ERCC6L2: variants seen among roughly 807,000 people sequenced by gnomAD.
ERCC6L2 encodes the protein DNA excision repair protein ERCC-6-like 2.
A neutral mutation model predicts 132.0 loss-of-function variants in ERCC6L2; 77 were observed. That is an observed-to-expected ratio of 0.58 (90% CI 0.49 to 0.71). ERCC6L2 has a LOEUF of 0.71. Ranked by LOEUF, ERCC6L2 falls within the 30% of genes least tolerant of loss-of-function variation. The pLI is 0.00. For synonymous variants in ERCC6L2, 583 were observed against 632.4 expected (o/e 0.92, Z 1.17); for missense variants, 1,542 against 1,837.6 (o/e 0.84, Z 2.94).
rs572713312 is a variant in ERCC6L2, at chr9:95,953,758, TAAG to T, written c.1848-2153_1848-2151del. On this transcript the variant is annotated intron_variant, in intron 12 of 18. Coordinates refer to ENST00000653738, the MANE Select transcript of ERCC6L2 (RefSeq NM_020207.7). ...CATTATTACATTATTAAGATAAAAA[TAAG>T]AACATAATATAAATTGTAACTAATT... Among the ~76,000 whole-genome samples, 10 of 151,820 alleles carry T rather than the reference TAAG, an allele frequency of 6.6e-5. No homozygotes were observed. In the South Asian group the frequency reaches 1.9e-3, roughly 28 times the overall value.
chr9:95,898,984 G>C (rs115749178), intron 3 of ERCC6L2, among the ~76,000 whole-genome samples: 45 of 152,194 alleles, frequency 3.0e-4, no homozygotes, highest in African/African-American at 1.0e-3. Context: ...GTATTCAATA[G>C]CTCAAGTACT....
intron 19 of ERCC6L2, among the ~76,000 whole-genome samples, chr9:96,023,469 C>T (rs760600658): frequency 1.4e-4 from 22 of 152,178 alleles, no homozygotes; most frequent in Non-Finnish European, 2.6e-4. Flanking sequence ...AACCCAGGGG[C>T]AAGCACTGTC....
In ERCC6L2 at chr9:95,990,428, G is replaced by A. The variant is rs572333865; in HGVS notation, c.3492+12213G>A. On this transcript the variant is annotated intron_variant, in intron 17 of 18. Coordinates refer to ENST00000653738, the MANE Select transcript of ERCC6L2 (RefSeq NM_020207.7). ...CCTAAGATAGCCCCAAGACTCGGAG[G>A]GGGGGTCCATCTTTTCACTTGTTGA... Among the ~76,000 whole-genome samples, 7 of 152,306 alleles carry A rather than the reference G, an allele frequency of 4.6e-5. No individual in the cohort carries two copies. In the South Asian group the frequency reaches 8.3e-4, roughly 18 times the overall value.
intron 13 of ERCC6L2, among the ~76,000 whole-genome samples, chr9:95,957,271 A>G (rs1484381768): frequency 1.3e-5 from 2 of 152,196 alleles, no homozygotes; most frequent in South Asian, 4.1e-4. Context: ...AAGAGCAAAC[A>G]TCTGCCACAT....
intron 17 of ERCC6L2, among the ~76,000 whole-genome samples, chr9:95,994,799 A>G (rs200081469): frequency 1.3e-5 from 2 of 152,140 alleles, no homozygotes; most frequent in East Asian, 3.9e-4. Flanking sequence ...CCTTGATTGC[A>G]CTTGAAACTT....
Position 95,915,061 on chromosome 9 carries a change from G to A in ERCC6L2, c.789-607G>A, listed in dbSNP as rs144895196. 2.8e-3 allele frequency among the ~76,000 whole-genome samples: 420 copies of A among 152,176 alleles called. 1 individual carries two copies. Among genetic ancestry groups the A allele is most frequent in the African/African-American group, 9.6e-3 (397 of 41,508 alleles). ...GCTCAAATATTCCAATTAGGCTGGC[G>A]TCTCTATTCTTTGGACATATTCGCA... is the stretch of plus-strand genomic sequence containing the variant. On this transcript the variant is annotated intron_variant, in intron 4 of 18. Coordinates refer to ENST00000653738, the MANE Select transcript of ERCC6L2 (RefSeq NM_020207.7).
intron 9 of ERCC6L2, 76 bp downstream of exon 9, chr9:95,923,455 A>G (rs879311549): frequency 3.1e-5 from 47 of 1,512,726 alleles, no homozygotes; most frequent in Non-Finnish European, 4.2e-5. Context: ...AGAGACACCA[A>G]CTAATCAGAA....
intron 12 of ERCC6L2, among the ~76,000 whole-genome samples, chr9:95,943,010 CATT>C (rs1352019765): frequency 6.6e-6 from 1 of 152,004 alleles, no homozygotes; most frequent in Non-Finnish European, 1.5e-5. Flanking sequence ...ATTTCATCAG[CATT>C]ATAGGATTCT....
At chr9:96,030,324 C>T (rs1264583971) in intron 19 of ERCC6L2, among the ~76,000 whole-genome samples, 1 of 152,278 alleles carries the variant, frequency 6.6e-6, no homozygotes, top group South Asian at 2.1e-4. Context: ...CGGCAACACG[C>T]TCGGGTTCCC....
At chr9:95,981,683 A>G (rs1044012743) in intron 17 of ERCC6L2, among the ~76,000 whole-genome samples, 1 of 152,186 alleles carries the variant, frequency 6.6e-6, no homozygotes, top group Non-Finnish European at 1.5e-5. Context: ...GAAGGAACTG[A>G]TAATACCTTT....
At chr9:96,035,651 G>T (rs1343085675) in intron 19 of ERCC6L2, among the ~76,000 whole-genome samples, 1 of 152,214 alleles carries the variant, frequency 6.6e-6, no homozygotes, top group Non-Finnish European at 1.5e-5. Context: ...TCTCCTCTAA[G>T]CTGTTCTAAC....
intron 20 of ERCC6L2, among the ~76,000 whole-genome samples, chr9:96,040,758 G>A (rs1797181114): frequency 6.6e-6 from 1 of 152,206 alleles, no homozygotes; most frequent in Admixed American, 6.5e-5. Context: ...AAGCCAGAAA[G>A]AAACGCCTTC....
intron 1 of ERCC6L2, 67 bp downstream of exon 1, chr9:95,876,151 C>G: frequency 6.9e-7 from 1 of 1,458,650 alleles, no homozygotes; most frequent in Non-Finnish European, 9.4e-7. Flanking sequence ...CCAGTTCTTG[C>G]CGGTGCCCTT....
chr9:95,921,782 A>G (rs942170596), intron 7 of ERCC6L2, among the ~76,000 whole-genome samples: 2 of 152,188 alleles, frequency 1.3e-5, no homozygotes, highest in African/African-American at 4.8e-5. Flanking sequence ...CCTTTTGTTT[A>G]TATTTCCTGC....
At position 95,966,595 on chromosome 9, in the gene ERCC6L2, G is replaced by A; in HGVS notation, c.1981G>A (p.Ala661Thr). The A allele has an allele frequency of 6.5e-7, 1 of 1,528,622 alleles. No homozygotes were observed. The highest frequency in any genetic ancestry group is 8.9e-7 in the Non-Finnish European group (1 of 1,121,100). 94.7% of individuals were successfully genotyped at this position (1,528,622 alleles called of 1,614,324 possible). A position where few individuals can be genotyped will look rare whatever the true frequency, so the allele number is the denominator to read the frequency against. ...CTGTGTGGTGGTTGGAAGTGAAAAT[G>A]CCAAACGATATTTTGAAGCAGTTCA... ...LHCVVVGSENAKRYFEAVQGS... is the reference protein window; with the variant it reads ...LHCVVVGSENTKRYFEAVQGS... The change falls in exon 14 of 19, where the codon GCC becomes ACC. Residue 661 changes from alanine to threonine, a missense_variant. Around this residue, in one of 4 missense-constraint regions of ERCC6L2, gnomAD observed 945 missense variants for 1,105.2 expected, o/e 0.86. Transcript: ENST00000653738.
chr9:95,992,227 A>C (rs953604251), intron 17 of ERCC6L2, among the ~76,000 whole-genome samples: 1 of 152,202 alleles, frequency 6.6e-6, no homozygotes, highest in African/African-American at 2.4e-5. Flanking sequence ...TCCTTATGTT[A>C]ACATGTAATG....
chr9:96,004,027 T>A (rs1035756581), intron 17 of ERCC6L2, among the ~76,000 whole-genome samples: 1 of 152,244 alleles, frequency 6.6e-6, no homozygotes, highest in Non-Finnish European at 1.5e-5. Context: ...TCACTAAATA[T>A]TCTTGCAACC....
intron 1 of ERCC6L2, chr9:95,876,883 A>G (rs1827300984): frequency 2.6e-5 from 4 of 152,230 alleles, no homozygotes; most frequent in African/African-American, 9.6e-5. Flanking sequence ...CAAACATATA[A>G]ATACCTATAG....
intron 9 of ERCC6L2, among the ~76,000 whole-genome samples, chr9:95,927,352 T>A (rs1830144036): frequency 6.6e-6 from 1 of 152,162 alleles, no homozygotes; most frequent in African/African-American, 2.4e-5. Context: ...ATTTAGACTT[T>A]GTATAGAAAA....
Sources: allele counts gnomAD v4.1 joint callset (sites outside exome capture counted in the v4.1 genomes callset), GRCh38; gene constraint gnomAD v4.1.1; regional missense constraint gnomAD v4.1.1; transcripts MANE v1.5; gene names NCBI Gene and HGNC (gene_info 2026-07-23, HGNC 2026-07-21).